APP: variants seen among roughly 807,000 people sequenced by gnomAD.
APP encodes amyloid-beta precursor protein.
APP carries 31 observed loss-of-function variants against 101.4 expected under a neutral mutation model. That is an observed-to-expected ratio of 0.31 (90% CI 0.23 to 0.41). The LOEUF is 0.41. APP is among the 10% of genes least tolerant of loss of function. The pLI, the probability that APP is intolerant of heterozygous loss-of-function variation, is 1.00. For missense variants in APP, 839 were observed against 1,003.7 expected, an observed-to-expected ratio of 0.84 and a Z score of 2.22; for synonymous variants, 366 against 364.4, an observed-to-expected ratio of 1.00 and a Z score of -0.05.
At chr21:26,093,968 G>T (rs1255992028) in intron 2 of APP, among the ~76,000 whole-genome samples, 1 of 152,032 alleles carries the variant, frequency 6.6e-6, no homozygotes, top group African/African-American at 2.4e-5. Flanking sequence ...ACAAAAATTA[G>T]CTGGGCGTCA....
At chr21:26,159,253 G>C (rs534240560) in intron 1 of APP, among the ~76,000 whole-genome samples, 2 of 152,062 alleles carry the variant, frequency 1.3e-5, no homozygotes, top group African/African-American at 4.8e-5. Context: ...TTAATTTGTT[G>C]TATTTTTAGT....
At chr21:25,894,301 C>G (rs920152507) in intron 16 of APP, among the ~76,000 whole-genome samples, 2 of 152,128 alleles carry the variant, frequency 1.3e-5, no homozygotes. Context: ...TTATTTCAGC[C>G]TCTTATTATT....
intron 8 of APP, among the ~76,000 whole-genome samples, chr21:25,992,329 A>G (rs572272087): frequency 1.3e-5 from 2 of 152,038 alleles, no homozygotes; most frequent in South Asian, 4.2e-4. Context: ...CAGAGGTTGC[A>G]GTGAGCCGAG....
chr21:25,916,852 G>A (rs1378676765), intron 13 of APP, among the ~76,000 whole-genome samples: 3 of 152,130 alleles, frequency 2.0e-5, no homozygotes. Context: ...GTTAACAGTG[G>A]AAATATTTAA....
intron 13 of APP, among the ~76,000 whole-genome samples, chr21:25,915,586 T>C (rs889522540): frequency 6.6e-6 from 1 of 152,246 alleles, no homozygotes; most frequent in East Asian, 1.9e-4. Flanking sequence ...TCCACCCTTG[T>C]GGATTTGTAA....
intron 2 of APP, among the ~76,000 whole-genome samples, chr21:26,103,883 T>C (rs1053763083): frequency 2.0e-5 from 3 of 152,200 alleles, no homozygotes; most frequent in Non-Finnish European, 2.9e-5. Context: ...TGTAGGGCTT[T>C]TGCCTACAGA....
At chr21:26,034,638 C>CAAAAA (rs201287871) in intron 5 of APP, among the ~76,000 whole-genome samples, 1 of 17,010 alleles carries the variant, frequency 5.9e-5, no homozygotes, top group Non-Finnish European at 1.9e-4. Flanking sequence ...CAAGACTTCT[C>CAAAAA]AAAAAAAAAA....
Position 25,911,946 on chromosome 21 carries a change from T to C in APP, c.1704A>G (p.Lys568=). 2 of 1,614,112 alleles carry C rather than the reference T, an allele frequency of 1.2e-6. No homozygotes were observed. Among genetic ancestry groups the C allele is most frequent in the Non-Finnish European group, 1.7e-6 (2 of 1,179,966 alleles). ...AGACGTCATCTGAATAGTTTTGCTC[T>C]TTCTGAAGCAGCTCATCTAAACCAA... The part of the protein sequence containing the change: ...IQDEVDELLQ[K]EQNYSDDVLA... The change falls in exon 14 of 18, where the codon AAA becomes AAG. Residue 568 remains lysine (K), a synonymous_variant. Coordinates refer to ENST00000346798, the MANE Select transcript of APP (RefSeq NM_000484.4).
At chr21:25,883,167 C>T (rs566707104) in intron 17 of APP, among the ~76,000 whole-genome samples, 18 of 152,258 alleles carry the variant, frequency 1.2e-4, no homozygotes, top group Non-Finnish European at 1.8e-4. Flanking sequence ...CTTTGGGAGC[C>T]TGAGGTGGGT....
At chr21:25,977,386 T>C (rs1256822016) in intron 9 of APP, among the ~76,000 whole-genome samples, 2 of 152,228 alleles carry the variant, frequency 1.3e-5, no homozygotes, top group Non-Finnish European at 2.9e-5. Flanking sequence ...ATACTCTGTG[T>C]ACTCCCAAAG....
chr21:25,896,287 T>G (rs1408948475), intron 16 of APP, among the ~76,000 whole-genome samples: 1 of 152,176 alleles, frequency 6.6e-6, no homozygotes, highest in Non-Finnish European at 1.5e-5. Flanking sequence ...AGTTTTTTAT[T>G]TGCTACAATT....
At chr21:25,896,307 CAAGT>C (rs924071522) in intron 16 of APP, among the ~76,000 whole-genome samples, 13 of 152,128 alleles carry the variant, frequency 8.5e-5, no homozygotes, top group African/African-American at 2.7e-4. Context: ...TATTTGGAGT[CAAGT>C]AAGGCATAAA....
intron 2 of APP, among the ~76,000 whole-genome samples, chr21:26,108,652 C>T (rs139750910): frequency 1.3e-5 from 2 of 152,260 alleles, no homozygotes; most frequent in East Asian, 3.9e-4. Context: ...CTCTGGGAGG[C>T]CGAAGAGGGT....
intron 3 of APP, among the ~76,000 whole-genome samples, chr21:26,062,234 C>A (rs754854086): frequency 0.013 from 1,200 of 95,016 alleles, 9 homozygotes; most frequent in African/African-American, 0.062. Flanking sequence ...CAAACAAACA[C>A]ACACACACAC....
At chr21:26,149,190 A>C (rs1312605169) in intron 1 of APP, among the ~76,000 whole-genome samples, 7 of 152,234 alleles carry the variant, frequency 4.6e-5, no homozygotes, top group Admixed American at 3.9e-4. Flanking sequence ...GCTTAGTCCA[A>C]GAAGAAACAC....
chr21:25,908,777 A>T (rs2038916474), intron 14 of APP, among the ~76,000 whole-genome samples: 1 of 151,952 alleles, frequency 6.6e-6, no homozygotes. Context: ...TTTAATGCTC[A>T]TACTATACCT....
chr21:25,890,984 A>G (rs1180354780), intron 17 of APP, among the ~76,000 whole-genome samples: 2 of 152,224 alleles, frequency 1.3e-5, no homozygotes, highest in East Asian at 3.8e-4. Flanking sequence ...TCTGCAAGAC[A>G]GTTTCCTAAA....
intron 6 of APP, among the ~76,000 whole-genome samples, chr21:26,011,138 C>T (rs1343333096): frequency 4.6e-5 from 7 of 152,020 alleles, no homozygotes; most frequent in Non-Finnish European, 2.9e-5. Context: ...TGCAATGGCA[C>T]GATCTCAGCT....
At chr21:26,020,154 C>G (rs2044274710) in intron 6 of APP, among the ~76,000 whole-genome samples, 2 of 152,102 alleles carry the variant, frequency 1.3e-5, no homozygotes, top group African/African-American at 4.8e-5. Flanking sequence ...CTCAAAAATA[C>G]TGTGTTAAGT....
Sources: allele counts gnomAD v4.1 joint callset (sites outside exome capture counted in the v4.1 genomes callset), GRCh38; gene constraint gnomAD v4.1.1; transcripts MANE v1.5; gene names NCBI Gene and HGNC (gene_info 2026-07-23, HGNC 2026-07-21).